Variants in SV2C observed in about 807,000 individuals in gnomAD.
The protein encoded by SV2C is solute carrier family 22 member B3.
In SV2C, 49 loss-of-function variants were observed where a neutral mutation model predicts 79.7. That is an observed-to-expected ratio of 0.61 (90% CI 0.49 to 0.78). The LOEUF (loss-of-function observed/expected upper bound fraction) is 0.78. Among genes scored for constraint, SV2C ranks in the 30% least tolerant of loss-of-function variants. SV2C has a pLI of 0.00. For missense variants in SV2C, 833 were observed against 912.9 expected (o/e 0.91, Z 1.13); for synonymous variants, 334 against 333.2 (o/e 1.00, Z -0.03).
intron 4 of SV2C, among the ~76,000 whole-genome samples, chr5:76,218,803 A>G (rs1407783715): frequency 2.0e-5 from 3 of 152,292 alleles, no homozygotes; most frequent in Non-Finnish European, 4.4e-5. Flanking sequence ...AAAGGATGGC[A>G]TACAAAAAGT....
At chr5:75,994,360 GC>G in the SV2C span, among the ~76,000 whole-genome samples, 1 of 152,006 alleles carries the variant, frequency 6.6e-6, no homozygotes, top group Non-Finnish European at 1.5e-5. Context: ...CTGGCTCTGA[GC>G]TCTAATTTGA....
chr5:75,910,766 C>A, the SV2C span: 9 of 1,358,990 alleles, frequency 6.6e-6, no homozygotes, highest in South Asian at 1.2e-5. Flanking sequence ...GCTGCCTATT[C>A]TTTATAACAG....
chr5:76,055,261 T>A, the SV2C span, among the ~76,000 whole-genome samples: 16 of 152,232 alleles, frequency 1.1e-4, no homozygotes, highest in African/African-American at 3.9e-4. Flanking sequence ...AGGGAATCCT[T>A]TCCCCATTGC....
chr5:75,853,748 T>C, the SV2C span, among the ~76,000 whole-genome samples: 3 of 151,294 alleles, frequency 2.0e-5, no homozygotes, highest in Admixed American at 6.6e-5. Flanking sequence ...AGGGCAAAAG[T>C]ATTATAGAAG....
chr5:76,314,964 C>T (rs559199684), intron 12 of SV2C, among the ~76,000 whole-genome samples: 2 of 152,266 alleles, frequency 1.3e-5, no homozygotes, highest in East Asian at 1.9e-4. Flanking sequence ...GACATAAAGG[C>T]TCCCGTTATT....
the SV2C span, among the ~76,000 whole-genome samples, chr5:75,879,658 C>A: frequency 2.0e-5 from 3 of 152,190 alleles, no homozygotes; most frequent in African/African-American, 7.2e-5. Context: ...TGAGTGCCTG[C>A]AGCTTTTCTA....
Position 76,132,122 on chromosome 5 carries a change from A to G in SV2C, c.372A>G (p.Glu124=). ...AGTACAAGGACCGGCGGGAGCTGGA[A>G]TCAGAAAGGAGAGCTGACGAGGAAG... The part of the protein sequence containing the change: ...GDEYKDRREL[E]SERRADEEEL... The change falls in exon 2 of 13, where the codon GAA becomes GAG. Residue 124 remains glutamate (E), a synonymous_variant. Coordinates refer to ENST00000502798, the MANE Select transcript of SV2C (RefSeq NM_014979.4). 6.2e-7 allele frequency: 1 copy of G among 1,614,114 alleles called. No individual in the cohort carries two copies.
chr5:76,121,206 G>A (rs1188972103), intron 1 of SV2C, among the ~76,000 whole-genome samples: 3 of 152,064 alleles, frequency 2.0e-5, no homozygotes, highest in African/African-American at 4.8e-5. Context: ...CCCACTTTTT[G>A]ATGGGGTTGT....
chr5:75,930,605 G>A, the SV2C span, among the ~76,000 whole-genome samples: 2 of 152,146 alleles, frequency 1.3e-5, no homozygotes, highest in Non-Finnish European at 2.9e-5. Context: ...TGCAATTTTT[G>A]TTCACTGACC....
chr5:76,231,134 G>C (rs28637825), intron 4 of SV2C, among the ~76,000 whole-genome samples: 1 of 151,956 alleles, frequency 6.6e-6, no homozygotes, highest in Non-Finnish European at 1.5e-5. Context: ...ACACCCCCTC[G>C]TCAGTTCAGT....
rs35496402 is a variant in SV2C, at chr5:76,350,321, GGAA to G, written c.2001-2801_2001-2799del. Among the ~76,000 whole-genome samples the G allele has an allele frequency of 4.5e-3, 685 of 152,312 alleles. 8 individuals are homozygous for G. The highest frequency in any genetic ancestry group is 0.016 in the African/African-American group (656 of 41,568). On this transcript the variant is annotated intron_variant, in intron 12 of 12. Transcript: ENST00000322285. The stretch of plus-strand genomic sequence containing the variant: ...GAAGCAAAGGGCCAGGAAGAGAGAA[GGAA>G]GAAGAAGGGATATGGGAATATGGGG...
chr5:75,920,626 T>G, the SV2C span: 1 of 598,836 alleles, frequency 1.7e-6, no homozygotes. Context: ...CAGCACTGCA[T>G]AGGGAGTGGG....
chr5:76,046,268 AC>A, the SV2C span, among the ~76,000 whole-genome samples: 1 of 151,624 alleles, frequency 6.6e-6, no homozygotes, highest in Non-Finnish European at 1.5e-5. Context: ...TCCAAAGGCC[AC>A]CCCATCACTG....
Position 76,183,030 on chromosome 5 carries a change from ATTT to A in SV2C, c.581-11868_581-11866del, listed in dbSNP as rs759427459. Among the ~76,000 whole-genome samples, 323 of 102,026 alleles carry A rather than the reference ATTT, an allele frequency of 3.2e-3. 2 individuals carry two copies. Among genetic ancestry groups the A allele is most frequent in the Non-Finnish European group, 3.9e-3 (214 of 55,402 alleles). The allele number at this position is 102,026 out of a possible 152,430, so 66.9% of individuals were successfully genotyped here. On this transcript the variant is annotated intron_variant, in intron 2 of 12. Coordinates refer to ENST00000502798, the MANE Select transcript of SV2C (RefSeq NM_014979.4). ...TGACCACATCTCATGAGAACCTACCATTTTTTTTTTTTTTTTTTTTTTTGAGAC... is the reference window on the plus strand; with the variant it reads ...TGACCACATCTCATGAGAACCTACCATTTTTTTTTTTTTTTTTTTTGAGAC...
intron 1 of SV2C, among the ~76,000 whole-genome samples, chr5:76,095,895 G>A (rs1747539710): frequency 6.6e-6 from 1 of 152,044 alleles, no homozygotes; most frequent in Admixed American, 6.5e-5. Flanking sequence ...GTTTTTCTTT[G>A]GGTCTACTCA....
At chr5:76,230,945 A>G (rs1745400465) in intron 4 of SV2C, among the ~76,000 whole-genome samples, 1 of 152,252 alleles carries the variant, frequency 6.6e-6, no homozygotes, top group African/African-American at 2.4e-5. Context: ...CACATTAACT[A>G]GAAAATGTTT....
At chr5:76,130,911 C>T (rs962789187) in intron 1 of SV2C, among the ~76,000 whole-genome samples, 1 of 152,104 alleles carries the variant, frequency 6.6e-6, no homozygotes, top group African/African-American at 2.4e-5. Flanking sequence ...TTACCTGTCC[C>T]TGAAGGCCTG....
intron 1 of SV2C, among the ~76,000 whole-genome samples, chr5:76,125,902 A>G (rs1748691147): frequency 6.6e-6 from 1 of 152,126 alleles, no homozygotes; most frequent in South Asian, 2.1e-4. Flanking sequence ...TACAAAAAAT[A>G]AAATGTTAGC....
intron 2 of SV2C, among the ~76,000 whole-genome samples, chr5:76,177,413 C>A (rs1743572431): frequency 6.6e-6 from 1 of 151,386 alleles, no homozygotes; most frequent in African/African-American, 2.4e-5. Flanking sequence ...TATATACATA[C>A]CCATGGTAAA....
Sources: gnomAD v4.1 joint callset for allele counts (sites outside exome capture counted in the v4.1 genomes callset) on GRCh38, gnomAD v4.1.1 for gene constraint, MANE v1.5 for transcripts, NCBI Gene and HGNC (gene_info 2026-07-23, HGNC 2026-07-21) for gene names.